The following GLDN variants were observed in gnomAD, a reference collection of about 807,000 sequenced individuals.
The protein encoded by GLDN is collomin.
Under a neutral mutation model 56.5 loss-of-function variants are expected in GLDN, and 47 were observed. The observed-to-expected ratio is 0.83, with a 90% CI of 0.66 to 1.06. The LOEUF (loss-of-function observed/expected upper bound fraction) is 1.06. GLDN is among the 50% of genes least tolerant of loss of function. The pLI is 0.00. For synonymous variants in GLDN, 332 were observed against 278.8 expected (o/e 1.19, Z -1.90); for missense variants, 782 against 714.3 (o/e 1.09, Z -1.08).
At chr15:51,383,300 A>G in intron 2 of GLDN, 136 bp from the exon 3 acceptor site, 1 of 933,388 alleles carries the variant, frequency 1.1e-6, no homozygotes, top group African/African-American at 1.7e-5. Context: ...TTGGCCAAAT[A>G]TAACGAGTTC....
chr15:51,371,117 A>G (rs16964308), intron 1 of GLDN, among the ~76,000 whole-genome samples: 17,726 of 152,258 alleles, frequency 0.12, 1,961 homozygotes, highest in African/African-American at 0.29. Flanking sequence ...TACTTATACA[A>G]AAACATCTAG....
chr15:51,341,751 G>C lies in GLDN; in HGVS notation c.67G>C (p.Val23Leu). ...GGGCCTGCGTGGCGCCCTGGCGGCC[G>C]TGGCGCTGCTCTCGGCGCTCAACGC... ...GWGLRGALAAVALLSALNAAG... is the reference protein window; with the variant it reads ...GWGLRGALAALALLSALNAAG... The change falls in exon 1 of 10, where the codon GTG becomes CTG. Residue 23 changes from valine (V) to leucine (L), a missense_variant. Coordinates refer to ENST00000335449, the MANE Select transcript of GLDN (RefSeq NM_181789.4). 6.8e-7 allele frequency: 1 copy of C among 1,473,600 alleles called. No individual in the cohort carries two copies. The highest frequency in any genetic ancestry group is 1.5e-5 in the African/African-American group (1 of 67,892). The allele number at this position is 1,473,600 out of a possible 1,614,324, so 91.3% of individuals were successfully genotyped here. A position where few individuals can be genotyped will look rare whatever the true frequency, so the allele number is the denominator to read the frequency against.
At chr15:51,359,801 C>G (rs1025881741) in intron 1 of GLDN, among the ~76,000 whole-genome samples, 1 of 151,696 alleles carries the variant, frequency 6.6e-6, no homozygotes, top group African/African-American at 2.4e-5. Context: ...ATGGTGAAAC[C>G]CTATCTCTAC....
chr15:51,396,642 T>C lies in GLDN; in HGVS notation c.689-828T>C, dbSNP rs186819243. On this transcript the variant is annotated intron_variant, in intron 5 of 9. Transcript: ENST00000335449. ...AACACCATTTCTGAATCAGAGACTT[T>C]GCTAGTAGCTGGAAATGAGGAAGAC... 3.0e-3 allele frequency among the ~76,000 whole-genome samples: 455 copies of C among 152,352 alleles called. 2 individuals carry two copies. The highest frequency in any genetic ancestry group is 0.011 in the African/African-American group (444 of 41,588).
intron 1 of GLDN, among the ~76,000 whole-genome samples, chr15:51,346,755 A>G (rs1391765352): frequency 2.0e-5 from 3 of 152,216 alleles, no homozygotes; most frequent in Non-Finnish European, 4.4e-5. Flanking sequence ...CACCACAAAC[A>G]AAAGCAAAAG....
chr15:51,395,775 A>G (rs989282354), intron 5 of GLDN, among the ~76,000 whole-genome samples: 1 of 152,188 alleles, frequency 6.6e-6, no homozygotes, highest in East Asian at 1.9e-4. Flanking sequence ...AAAAGGTTTA[A>G]TTGGCTTATA....
rs373142256 is a variant in GLDN at position 51,358,640 on chromosome 15, G to T, written c.363+16593G>T. Reference sequence around the variant, plus strand: ...CCAGAACCATAGGGGATGCCCTAGGGCTAGTGCTCACTAGGGGATGACTAG... The same window carrying T: ...CCAGAACCATAGGGGATGCCCTAGGTCTAGTGCTCACTAGGGGATGACTAG... On this transcript the variant is annotated intron_variant, in intron 1 of 9. Transcript: ENST00000335449. Among the ~76,000 whole-genome samples the T allele has an allele frequency of 1.9e-4, 29 of 152,316 alleles. No homozygotes were observed. In the South Asian group the frequency reaches 5.8e-3, roughly 30 times the overall value.
intron 4 of GLDN, among the ~76,000 whole-genome samples, chr15:51,389,127 G>A (rs1364637586): frequency 1.3e-5 from 2 of 152,216 alleles, no homozygotes; most frequent in South Asian, 2.1e-4. Context: ...ACTCCAAGAT[G>A]AGGCCTTGAC....
chr15:51,377,641 A>G (rs1246442852), intron 2 of GLDN, 141 bp downstream of exon 2: 1 of 590,922 alleles, frequency 1.7e-6, no homozygotes, highest in Non-Finnish European at 3.0e-6. Flanking sequence ...AATGAGCTGA[A>G]AACCCATTGT....
At chr15:51,364,018 A>G (rs2037353878) in intron 1 of GLDN, among the ~76,000 whole-genome samples, 1 of 151,986 alleles carries the variant, frequency 6.6e-6, no homozygotes, top group South Asian at 2.1e-4. Flanking sequence ...GCTGCCTTTA[A>G]GATTTTCTCT....
rs765004774 is a variant in GLDN, at chr15:51,397,511, C to G, written c.730C>G (p.Pro244Ala). The change falls in exon 6 of 10, where the codon CCA becomes GCA. Residue 244 changes from proline (P) to alanine (A), a missense_variant. Physicochemically the swap from Pro to Ala is conservative, Grantham distance 27. Coordinates refer to ENST00000335449, the MANE Select transcript of GLDN (RefSeq NM_181789.4). ...DQGPPGPPGP[P>A]GPPGPPGPPG... is the part of the protein sequence containing the mutation. Reference sequence around the variant, plus strand: ...AGGCCCACCCGGTCCACCTGGGCCCCCAGGCCCTCCAGGTCCTCCAGGGCC... The same window carrying G: ...AGGCCCACCCGGTCCACCTGGGCCCGCAGGCCCTCCAGGTCCTCCAGGGCC... The G allele has an allele frequency of 8.2e-6, 13 of 1,591,490 alleles. No individual in the cohort carries two copies. Among genetic ancestry groups the G allele is most frequent in the Non-Finnish European group, 1.1e-5 (13 of 1,167,774 alleles).
At chr15:51,355,816 C>A (rs1336078364) in intron 1 of GLDN, among the ~76,000 whole-genome samples, 13 of 150,954 alleles carry the variant, frequency 8.6e-5, no homozygotes, top group African/African-American at 2.9e-4. Flanking sequence ...AGCCACCACA[C>A]CCGGCCCTAC....
intron 6 of GLDN, 102 bp from the exon 7 acceptor site, chr15:51,400,090 A>G: frequency 2.0e-6 from 2 of 977,970 alleles, no homozygotes; most frequent in Admixed American, 3.7e-5. Context: ...TGTTTATGAG[A>G]CTAGAGTCTG....
intron 1 of GLDN, among the ~76,000 whole-genome samples, chr15:51,368,513 G>T (rs772504983): frequency 1.3e-5 from 2 of 151,604 alleles, no homozygotes; most frequent in African/African-American, 2.4e-5. Context: ...AAATGCCTGC[G>T]GCCCAACACG....
intron 4 of GLDN, 106 bp downstream of exon 4, chr15:51,383,998 C>A: frequency 1.1e-6 from 1 of 887,266 alleles, no homozygotes; most frequent in Non-Finnish European, 1.8e-6. Context: ...TTCATCTCTG[C>A]ACAGTTTAAG....
At position 51,401,786 on chromosome 15, in the gene GLDN, C is replaced by A. The variant is rs1196251074; in HGVS notation, c.1178+43C>A. 3 of 1,588,870 alleles carry A rather than the reference C, an allele frequency of 1.9e-6. No individual in the cohort carries two copies. The East Asian group carries it at 6.7e-5, about 36-fold the overall frequency. Reference sequence around the variant, plus strand: ...ACCTTCTCACGCCTCTCAGGCAGCACCTGTGCTGTGGTGCTTTTGTGAGCA... The same window carrying A: ...ACCTTCTCACGCCTCTCAGGCAGCAACTGTGCTGTGGTGCTTTTGTGAGCA... On this transcript the variant is annotated intron_variant, in intron 9 of 9. Coordinates refer to ENST00000335449, the MANE Select transcript of GLDN (RefSeq NM_181789.4).
chr15:51,390,271 ATTG>A (rs892595998), intron 4 of GLDN, among the ~76,000 whole-genome samples: 4 of 152,352 alleles, frequency 2.6e-5, no homozygotes, highest in South Asian at 2.1e-4. Context: ...GTTAGCTATT[ATTG>A]TTGTTGTTTT....
chr15:51,410,092 A>G (rs2038449957), downstream of GLDN, among the ~76,000 whole-genome samples: 2 of 152,136 alleles, frequency 1.3e-5, no homozygotes, highest in African/African-American at 4.8e-5. Flanking sequence ...TGCTTTAGAA[A>G]CATCAAAGTA....
chr15:51,341,774 C>T lies in GLDN; in HGVS notation c.90C>T (p.Asn30=), dbSNP rs1390593597. The T allele has an allele frequency of 6.7e-7, 1 of 1,496,578 alleles. No individual in the cohort carries two copies. The highest frequency in any genetic ancestry group is 8.8e-7 in the Non-Finnish European group (1 of 1,132,640). 92.7% of individuals were successfully genotyped at this position (1,496,578 alleles called of 1,614,324 possible). The change falls in exon 1 of 10, where the codon AAC becomes AAT. Residue 30 remains asparagine (N), a synonymous_variant. Coordinates refer to ENST00000335449, the MANE Select transcript of GLDN (RefSeq NM_181789.4). ...CCGTGGCGCTGCTCTCGGCGCTCAA[C>T]GCTGCGGGCACGGTGTTCGCGCTGT... ...LAAVALLSAL[N]AAGTVFALCQ...
Sources: gnomAD v4.1 joint callset for allele counts (sites outside exome capture counted in the v4.1 genomes callset) on GRCh38, gnomAD v4.1.1 for gene constraint, MANE v1.5 for transcripts, NCBI Gene and HGNC (gene_info 2026-07-23, HGNC 2026-07-21) for gene names.